Variants in PHF21B observed in about 807,000 individuals in gnomAD.
The protein encoded by PHF21B is PHD finger protein 4.
Under a neutral mutation model 62.2 loss-of-function variants are expected in PHF21B, and 22 were observed. That is an observed-to-expected ratio of 0.35 (90% confidence interval 0.25 to 0.51). The LOEUF (loss-of-function observed/expected upper bound fraction) is 0.51. Ranked by LOEUF, PHF21B falls within the 20% of genes least tolerant of loss-of-function variation. The probability of loss-of-function intolerance (pLI) is 0.97; values close to 1 mark genes in which losing one functional copy is unlikely to be tolerated. For synonymous variants in PHF21B, 341 were observed against 314.7 expected (o/e 1.08, Z -0.88); for missense variants, 701 against 707.9 (o/e 0.99, Z 0.11).
intron 12 of PHF21B, among the ~76,000 whole-genome samples, chr22:44,883,935 C>A (rs1267673695): frequency 6.6e-6 from 1 of 151,608 alleles, no homozygotes; most frequent in African/African-American, 2.4e-5. Context: ...CATCACCATC[C>A]TCTAACACAT....
In PHF21B at chr22:44,997,216, G is replaced by A. The variant is rs114964117; in HGVS notation, c.120+11329C>T. ...CAGTCCCTTACGCTGAAGGTCCTGG[G>A]CCAATGAGTCCCAGCTCCTGCTTGG... On this transcript the variant is annotated intron_variant, in intron 2 of 12. Transcript: ENST00000313237. Among the ~76,000 whole-genome samples, 574 of 152,184 alleles carry A rather than the reference G, an allele frequency of 3.8e-3. 5 individuals are homozygous for A. Among genetic ancestry groups the A allele is most frequent in the African/African-American group, 0.013 (540 of 41,522 alleles).
At chr22:44,905,678 T>G (rs559946672) in intron 5 of PHF21B, among the ~76,000 whole-genome samples, 8 of 152,254 alleles carry the variant, frequency 5.3e-5, no homozygotes, top group South Asian at 2.1e-4. Flanking sequence ...ACCCAGGCTG[T>G]AGTGCAGTGG....
intron 2 of PHF21B, among the ~76,000 whole-genome samples, chr22:44,968,358 A>C (rs1387248590): frequency 6.6e-6 from 1 of 152,136 alleles, no homozygotes; most frequent in Non-Finnish European, 1.5e-5. Flanking sequence ...AATGCTTGGG[A>C]TAAGGCTGGG....
chr22:44,980,233 G>C (rs1217579862), intron 2 of PHF21B, among the ~76,000 whole-genome samples: 3 of 152,188 alleles, frequency 2.0e-5, no homozygotes, highest in African/African-American at 7.2e-5. Flanking sequence ...CTTTCTGCAG[G>C]ATGTCAGCAT....
chr22:44,903,576 C>T (rs1014629570), intron 5 of PHF21B, among the ~76,000 whole-genome samples: 1 of 152,156 alleles, frequency 6.6e-6, no homozygotes, highest in African/African-American at 2.4e-5. Flanking sequence ...GTCTTTTTGC[C>T]CTGTGGGATC....
intron 2 of PHF21B, among the ~76,000 whole-genome samples, chr22:44,930,823 A>G (rs1237488347): frequency 1.3e-5 from 2 of 152,188 alleles, no homozygotes; most frequent in African/African-American, 4.8e-5. Flanking sequence ...GCACCCCCCA[A>G]CCCCGAGGTA....
chr22:44,935,328 C>T (rs920539871), intron 2 of PHF21B, among the ~76,000 whole-genome samples: 4 of 152,120 alleles, frequency 2.6e-5, no homozygotes, highest in Non-Finnish European at 5.9e-5. Context: ...AAAACAGAAG[C>T]ACATGGCCGG....
chr22:44,887,349 C>CTA (rs1313625025), intron 10 of PHF21B, among the ~76,000 whole-genome samples: 1 of 152,148 alleles, frequency 6.6e-6, no homozygotes, highest in African/African-American at 2.4e-5. Context: ...GATTCCCAAA[C>CTA]TATATAGCAG....
At chr22:45,002,506 T>C (rs1342824449) in intron 2 of PHF21B, among the ~76,000 whole-genome samples, 2 of 152,208 alleles carry the variant, frequency 1.3e-5, no homozygotes, top group Non-Finnish European at 2.9e-5. Context: ...CTGGTTTATG[T>C]ACTGGTCACC....
chr22:44,911,004 G>A (rs2071334710), intron 5 of PHF21B, among the ~76,000 whole-genome samples: 1 of 152,236 alleles, frequency 6.6e-6, no homozygotes. Context: ...TGGAGACAAG[G>A]AACTTGTTGG....
chr22:44,999,371 G>A (rs2073173054), intron 2 of PHF21B, among the ~76,000 whole-genome samples: 1 of 152,120 alleles, frequency 6.6e-6, no homozygotes, highest in Non-Finnish European at 1.5e-5. Flanking sequence ...GCTGCGAAGG[G>A]CTTGGCTTTT....
At chr22:44,969,503 T>C (rs1452803728) in intron 2 of PHF21B, among the ~76,000 whole-genome samples, 1 of 152,018 alleles carries the variant, frequency 6.6e-6, no homozygotes, top group African/African-American at 2.4e-5. Context: ...CCGTCTCTAC[T>C]AAAAATACAA....
rs777340651 is a variant in PHF21B at position 44,883,261 on chromosome 22, C to T, written c.1421G>A (p.Gly474Asp). ...CAGGCGGTCCAGGGATGACTGGGTG[C>T]CCCTCTGGCGGGCCAGCAGGCTTGT... ...LKTSLLARQRGTQSSLDRLRA... is the reference protein window; with the variant it reads ...LKTSLLARQRDTQSSLDRLRA... Residue 474 changes from glycine to aspartate, a missense_variant, in exon 13 of 13, where the codon GGC (glycine) becomes GAC (aspartate). By Grantham distance (94) the Gly-to-Asp change is moderately conservative (BLOSUM62 -1). Transcript: ENST00000313237. The T allele has an allele frequency of 3.7e-6, 6 of 1,613,744 alleles. No homozygotes were observed. In the East Asian group the frequency reaches 8.9e-5, roughly 24 times the overall value.
chr22:44,963,768 C>T lies in PHF21B; in HGVS notation c.121-43278G>A, dbSNP rs553959054. Among the ~76,000 whole-genome samples, 6 of 152,360 alleles carry T rather than the reference C, an allele frequency of 3.9e-5. No homozygotes were observed. In the East Asian group the frequency reaches 1.2e-3, roughly 29 times the overall value. ...TCAGGTGACATCTGAAGGACAAACA[C>T]CACCAAAGTTCGGAGAAGCAGGCCC... On this transcript the variant is annotated intron_variant, in intron 2 of 12. Coordinates refer to ENST00000313237, the MANE Select transcript of PHF21B (RefSeq NM_138415.5).
chr22:44,908,961 C>T (rs1280606437), intron 5 of PHF21B, among the ~76,000 whole-genome samples: 2 of 152,150 alleles, frequency 1.3e-5, no homozygotes, highest in Non-Finnish European at 2.9e-5. Context: ...CCATGCCTGG[C>T]TCATTTTTTG....
intron 2 of PHF21B, 47 bp downstream of exon 2, chr22:45,008,498 C>T: frequency 6.7e-7 from 1 of 1,482,652 alleles, no homozygotes; most frequent in Admixed American, 2.1e-5. Flanking sequence ...AAGTGCCCAG[C>T]CACCCTCCCG....
intron 5 of PHF21B, among the ~76,000 whole-genome samples, chr22:44,912,907 A>G (rs1456583460): frequency 1.3e-5 from 2 of 150,374 alleles, no homozygotes; most frequent in Non-Finnish European, 3.0e-5. Context: ...AGACAAAAAG[A>G]AAGGAAAAAA....
At chr22:44,968,366 G>A (rs1417767811) in intron 2 of PHF21B, among the ~76,000 whole-genome samples, 3 of 152,188 alleles carry the variant, frequency 2.0e-5, no homozygotes, top group East Asian at 3.8e-4. Context: ...GGATAAGGCT[G>A]GGTACAGCGG....
intron 2 of PHF21B, among the ~76,000 whole-genome samples, chr22:44,967,680 C>A (rs2072555295): frequency 6.6e-6 from 1 of 152,200 alleles, no homozygotes; most frequent in African/African-American, 2.4e-5. Context: ...ACTAGGGAAC[C>A]AATGTCATGC....
Sources: allele counts gnomAD v4.1 joint callset (sites outside exome capture counted in the v4.1 genomes callset), GRCh38; gene constraint gnomAD v4.1.1; transcripts MANE v1.5; gene names NCBI Gene and HGNC (gene_info 2026-07-23, HGNC 2026-07-21).